Variants in DGKH observed in about 807,000 individuals in gnomAD.
DGKH encodes diacylglycerol kinase eta.
In DGKH, 90 loss-of-function variants were observed where a neutral mutation model predicts 159.3. The ratio of observed to expected loss-of-function variants is 0.57; its 90% CI spans 0.48 to 0.67. DGKH has a LOEUF of 0.67. Ranked by LOEUF, DGKH falls within the 30% of genes least tolerant of loss-of-function variation. The pLI is 0.00. For missense variants in DGKH, 1,181 were observed against 1,506.1 expected (o/e 0.78, Z 3.57); for synonymous variants, 536 against 553.8 (o/e 0.97, Z 0.45).
At chr13:42,161,229 C>T (rs1215180799) in intron 7 of DGKH, among the ~76,000 whole-genome samples, 1 of 152,134 alleles carries the variant, frequency 6.6e-6, no homozygotes, top group Non-Finnish European at 1.5e-5. Flanking sequence ...ATCATTCCAC[C>T]TCAGATTTCT....
At chr13:42,208,870 A>G (rs1957569578) in intron 21 of DGKH, 89 bp from the exon 22 acceptor site, 1 of 347,268 alleles carries the variant, frequency 2.9e-6, no homozygotes, top group East Asian at 6.1e-5. Flanking sequence ...AATATATTAA[A>G]TATATGTAGA....
rs887885921 is a variant in DGKH, at chr13:42,194,871, C to G, written c.2036-14C>G. The G allele has an allele frequency of 6.2e-7, 1 of 1,605,316 alleles. No homozygotes were observed. The highest frequency in any genetic ancestry group is 8.5e-7 in the Non-Finnish European group (1 of 1,177,394). ...TATCATTATCTCTTTTTAATCTGGACTTTTTGCCAACAGTTAAAACTGCAC... is the reference window on the plus strand; with the variant it reads ...TATCATTATCTCTTTTTAATCTGGAGTTTTTGCCAACAGTTAAAACTGCAC... On this transcript the variant is annotated splice_polypyrimidine_tract_variant and intron_variant, in intron 16 of 29. Coordinates refer to ENST00000337343, the MANE Select transcript of DGKH (RefSeq NM_178009.5).
intron 29 of DGKH, among the ~76,000 whole-genome samples, chr13:42,222,617 A>G (rs1219845663): frequency 6.6e-6 from 1 of 152,196 alleles, no homozygotes; most frequent in Non-Finnish European, 1.5e-5. Flanking sequence ...GGGGATCATG[A>G]TATCCAACAT....
chr13:42,113,328 C>T (rs1303051548), intron 1 of DGKH, among the ~76,000 whole-genome samples: 2 of 152,102 alleles, frequency 1.3e-5, no homozygotes, highest in East Asian at 3.9e-4. Flanking sequence ...TAATTCCAAT[C>T]ACCAAAAGAG....
At chr13:42,205,889 G>C (rs1957456014) in intron 20 of DGKH, 150 bp from the exon 21 acceptor site, 1 of 418,182 alleles carries the variant, frequency 2.4e-6, no homozygotes, top group African/African-American at 2.1e-5. Context: ...AAAAAAATAA[G>C]ATAAATGATT....
At chr13:42,104,044 CAG>C (rs1479116894) in intron 1 of DGKH, among the ~76,000 whole-genome samples, 3 of 152,176 alleles carry the variant, frequency 2.0e-5, no homozygotes, top group Non-Finnish European at 4.4e-5. Flanking sequence ...TCACCAGTAA[CAG>C]TTCAGAGGTA....
chr13:42,219,454 A>G (rs1373632705), intron 27 of DGKH, 105 bp downstream of exon 27: 1 of 1,464,716 alleles, frequency 6.8e-7, no homozygotes, highest in East Asian at 2.3e-5. Flanking sequence ...AATTTTGAAT[A>G]CTACTTTCAA....
At chr13:42,169,182 C>T (rs1182373270) in intron 11 of DGKH, among the ~76,000 whole-genome samples, 1 of 152,080 alleles carries the variant, frequency 6.6e-6, no homozygotes, top group African/African-American at 2.4e-5. Context: ...TAGGTAGTCT[C>T]CTGTCATTGT....
rs151244353 is a variant in DGKH, at chr13:42,161,990, T to G, written c.855+1854T>G. On this transcript the variant is annotated intron_variant, in intron 7 of 29. Coordinates refer to ENST00000337343, the MANE Select transcript of DGKH (RefSeq NM_178009.5). Reference sequence around the variant, plus strand: ...TCTATTCACCCCTAACTTTTAAACATTTCTTAACTAGAATAGCAGTGGTAT... The same window carrying G: ...TCTATTCACCCCTAACTTTTAAACAGTTCTTAACTAGAATAGCAGTGGTAT... Among the ~76,000 whole-genome samples, 310 of 152,318 alleles carry G rather than the reference T, an allele frequency of 2.0e-3. 2 individuals are homozygous for G. The highest frequency in any genetic ancestry group is 6.2e-3 in the South Asian group (30 of 4,830).
At chr13:42,050,191 T>G (rs1235730502) in intron 1 of DGKH, among the ~76,000 whole-genome samples, 1 of 152,120 alleles carries the variant, frequency 6.6e-6, no homozygotes, top group African/African-American at 2.4e-5. Flanking sequence ...GCCAACATGG[T>G]GAAACCCCAT....
chr13:42,089,663 C>T (rs954605737), intron 1 of DGKH, among the ~76,000 whole-genome samples: 2 of 152,180 alleles, frequency 1.3e-5, no homozygotes, highest in African/African-American at 4.8e-5. Flanking sequence ...GCTTCTCTGC[C>T]TTCTGCTGCC....
chr13:42,092,863 A>G (rs1467446262), intron 1 of DGKH, among the ~76,000 whole-genome samples: 1 of 152,202 alleles, frequency 6.6e-6, no homozygotes, highest in Non-Finnish European at 1.5e-5. Flanking sequence ...TGTACACCCA[A>G]AATGTTACAA....
intron 13 of DGKH, among the ~76,000 whole-genome samples, chr13:42,180,059 T>C (rs1956712820): frequency 2.0e-5 from 3 of 152,312 alleles, no homozygotes; most frequent in Non-Finnish European, 4.4e-5. Context: ...TTAACTATAT[T>C]AAACAAAAAA....
rs770015227 is a variant in DGKH at position 42,214,488 on chromosome 13, G to T, written c.3015-19G>T. On this transcript the variant is annotated intron_variant, in intron 24 of 29. Transcript: ENST00000337343. ...ACTCAAAAAAGTTTTTTATTCATTTGTTTCATTTTTGCTTTTAGGATATGT... is the reference window on the plus strand; with the variant it reads ...ACTCAAAAAAGTTTTTTATTCATTTTTTTCATTTTTGCTTTTAGGATATGT... 6 of 1,597,094 alleles carry T rather than the reference G, an allele frequency of 3.8e-6. No homozygotes were observed. The highest frequency in any genetic ancestry group is 2.3e-5 in the South Asian group (2 of 87,090).
intron 1 of DGKH, among the ~76,000 whole-genome samples, chr13:42,059,539 C>T (rs975813228): frequency 9.9e-5 from 15 of 152,012 alleles, no homozygotes; most frequent in Non-Finnish European, 1.3e-4. Context: ...CGTGACCCAC[C>T]GCGCCTGGCC....
At chr13:42,073,262 C>A (rs946283580) in intron 1 of DGKH, among the ~76,000 whole-genome samples, 3 of 152,172 alleles carry the variant, frequency 2.0e-5, no homozygotes, top group Admixed American at 6.5e-5. Context: ...TCTTTGTTTT[C>A]TTTGCCATTT....
intron 16 of DGKH, among the ~76,000 whole-genome samples, chr13:42,192,397 T>C (rs1441695685): frequency 6.6e-6 from 1 of 152,154 alleles, no homozygotes; most frequent in Non-Finnish European, 1.5e-5. Context: ...ATGATTACAG[T>C]AATTATTAGG....
At chr13:42,127,434 C>A in intron 1 of DGKH, 29 bp from the exon 2 acceptor site, 1 of 1,497,960 alleles carries the variant, frequency 6.7e-7, no homozygotes, top group Non-Finnish European at 9.3e-7. Flanking sequence ...TCATTTTAAT[C>A]GTGTCATTGT....
intron 21 of DGKH, 44 bp from the exon 22 acceptor site, chr13:42,208,915 T>C (rs1472227976): frequency 3.6e-6 from 5 of 1,396,150 alleles, no homozygotes; most frequent in Non-Finnish European, 3.0e-6. Context: ...AACGTGCTCT[T>C]CACCTAAACA....
Sources: gnomAD v4.1 joint callset for allele counts (sites outside exome capture counted in the v4.1 genomes callset) on GRCh38, gnomAD v4.1.1 for gene constraint, MANE v1.5 for transcripts, NCBI Gene and HGNC (gene_info 2026-07-23, HGNC 2026-07-21) for gene names.